Variants in AP2A2 observed in about 807,000 individuals in gnomAD.
AP2A2 encodes AP-2 complex subunit alpha-2.
AP2A2 carries 32 observed loss-of-function variants against 104.2 expected under a neutral mutation model. That is an observed-to-expected ratio of 0.31 (90% CI 0.23 to 0.41). The LOEUF (loss-of-function observed/expected upper bound fraction) is 0.41. AP2A2 is among the 10% of genes least tolerant of loss of function. The probability of loss-of-function intolerance (pLI) is 1.00; values close to 1 mark genes in which losing one functional copy is unlikely to be tolerated. For missense variants in AP2A2, 912 were observed against 1,261.0 expected, an observed-to-expected ratio of 0.72 and a Z score of 4.19; for synonymous variants, 539 against 533.3, an observed-to-expected ratio of 1.01 and a Z score of -0.15.
intron 1 of AP2A2, among the ~76,000 whole-genome samples, chr11:942,080 C>A (rs1267386906): frequency 6.6e-6 from 1 of 152,174 alleles, no homozygotes; most frequent in African/African-American, 2.4e-5. Context: ...GCGCCCACCA[C>A]CATGCCCGGC....
chr11:954,434 A>G lies in AP2A2; in HGVS notation c.68-5003A>G, dbSNP rs76429874. ...TGTGTGTGTGTATGTATTTGTGTTT[A>G]TGTGTATGTATGTATATGTGTATAT... On this transcript the variant is annotated intron_variant, in intron 1 of 21. Coordinates refer to ENST00000448903, the MANE Select transcript of AP2A2 (RefSeq NM_012305.4). Among the ~76,000 whole-genome samples, 576 of 150,934 alleles carry G rather than the reference A, an allele frequency of 3.8e-3. 25 individuals are homozygous for G. In the East Asian group the frequency reaches 0.092, roughly 24 times the overall value.
chr11:931,029 A>G (rs1282859981), intron 1 of AP2A2, among the ~76,000 whole-genome samples: 2 of 152,114 alleles, frequency 1.3e-5, no homozygotes, highest in Admixed American at 1.3e-4. Context: ...CATCATCACA[A>G]AGCTACCCCT....
At position 992,930 on chromosome 11, in the gene AP2A2, G is replaced by A. The variant is rs1212310833; in HGVS notation, c.1452+245G>A. Among the ~76,000 whole-genome samples, 3 of 152,160 alleles carry A rather than the reference G, an allele frequency of 2.0e-5. No individual in the cohort carries two copies. The highest frequency in any genetic ancestry group is 4.4e-5 in the Non-Finnish European group (3 of 68,018). On this transcript the variant is annotated intron_variant, in intron 11 of 21. Coordinates refer to ENST00000448903, the MANE Select transcript of AP2A2 (RefSeq NM_012305.4). The surrounding 1 kb of genome is among the most constrained non-coding windows in gnomAD (Gnocchi z 6.4). ...GCCACCTGAGAAAGCCGGCCTCTGT[G>A]TGTGTGAGAGCATGCTGGGGCATGC...
chr11:994,524 T>C (rs1328050671), intron 14 of AP2A2, among the ~76,000 whole-genome samples: 1 of 134,986 alleles, frequency 7.4e-6, no homozygotes, highest in African/African-American at 2.8e-5. Flanking sequence ...CGGGGGCCAC[T>C]GTCCCTGCTG....
At chr11:948,149 A>G (rs1853914924) in intron 1 of AP2A2, among the ~76,000 whole-genome samples, 1 of 152,342 alleles carries the variant, frequency 6.6e-6, no homozygotes, top group Non-Finnish European at 1.5e-5. Flanking sequence ...GAAGGAAGAA[A>G]ATAGCAAAGA....
chr11:975,332 G>A (rs1408945847), intron 4 of AP2A2, among the ~76,000 whole-genome samples: 1 of 151,502 alleles, frequency 6.6e-6, no homozygotes, highest in Non-Finnish European at 1.5e-5. Context: ...TCCCTCGTGT[G>A]AGCTGACGTC....
At chr11:962,149 C>T (rs1275398195) in intron 2 of AP2A2, among the ~76,000 whole-genome samples, 1 of 151,080 alleles carries the variant, frequency 6.6e-6, no homozygotes, top group Non-Finnish European at 1.5e-5. Flanking sequence ...GGCTCTCAAC[C>T]TGGGGGAGCC....
intron 2 of AP2A2, among the ~76,000 whole-genome samples, chr11:965,693 G>T (rs759420625): frequency 3.3e-5 from 5 of 152,230 alleles, no homozygotes; most frequent in Non-Finnish European, 2.9e-5. Flanking sequence ...CTGACCTGCA[G>T]ACGCATGGGC....
At chr11:981,420 C>CA (rs1855236612) in intron 6 of AP2A2, 121 bp downstream of exon 6, 1 of 818,224 alleles carries the variant, frequency 1.2e-6, no homozygotes, top group Non-Finnish European at 2.0e-6. Flanking sequence ...TGAAAACCAA[C>CA]TTGGCTTCTC....
At chr11:991,732 T>G (rs1590002646) in intron 10 of AP2A2, among the ~76,000 whole-genome samples, 1 of 102,756 alleles carries the variant, frequency 9.7e-6, no homozygotes, top group South Asian at 3.0e-4. Flanking sequence ...CACCAGCACC[T>G]GAGAGGCCAG....
At position 970,206 on chromosome 11, in the gene AP2A2, C is replaced by T. The variant is rs749431361; in HGVS notation, c.174C>T (p.Tyr58=). The change falls in exon 3 of 22, where the codon TAC becomes TAT. Residue 58 remains tyrosine (Y), a synonymous_variant. Transcript: ENST00000448903. ...TTGATGGCTATAGTAAAAAAAAGTA[C>T]GTCTGCAAGTTGCTCTTCATCTTTC... is the stretch of plus-strand genomic sequence containing the variant. The part of the protein sequence containing the change: ...KALDGYSKKK[Y]VCKLLFIFLL... 2.0e-5 allele frequency: 32 copies of T among 1,613,850 alleles called. No individual in the cohort carries two copies. The highest frequency in any genetic ancestry group is 1.7e-4 in the African/African-American group (13 of 74,938).
At chr11:986,686 T>C (rs1855468959) in intron 8 of AP2A2, 99 bp from the exon 9 acceptor site, 2 of 1,412,218 alleles carry the variant, frequency 1.4e-6, no homozygotes, top group African/African-American at 2.8e-5. Context: ...CGTGTGACTT[T>C]GCTGTCTGCC....
rs1382162876 is a variant in AP2A2, at chr11:982,482, G to GT, written c.705+1189dup. 2.0e-5 allele frequency among the ~76,000 whole-genome samples: 3 copies of GT among 152,000 alleles called. No individual in the cohort carries two copies. The East Asian group carries it at 5.8e-4, about 29-fold the overall frequency. Reference sequence around the variant, plus strand: ...TACCCATTTTTACCCTGGGTTGTCCGTTTTTTGTGTTGAATATTTCACCAT... The same window carrying GT: ...TACCCATTTTTACCCTGGGTTGTCCGTTTTTTTGTGTTGAATATTTCACCAT... On this transcript the variant is annotated intron_variant, in intron 6 of 21. Transcript: ENST00000448903.
intron 1 of AP2A2, among the ~76,000 whole-genome samples, chr11:957,425 G>A (rs1481438957): frequency 1.3e-5 from 2 of 152,240 alleles, no homozygotes; most frequent in South Asian, 2.1e-4. Context: ...GCCTATCTGT[G>A]CGGCGTTCCT....
chr11:1,005,636 C>G (rs762700149), intron 16 of AP2A2, among the ~76,000 whole-genome samples: 3 of 152,188 alleles, frequency 2.0e-5, no homozygotes, highest in Non-Finnish European at 4.4e-5. Flanking sequence ...CAGGACTGCT[C>G]TCTCTCTCAT....
At chr11:975,262 A>G (rs111853529) in intron 4 of AP2A2, among the ~76,000 whole-genome samples, 18 of 107,686 alleles carry the variant, frequency 1.7e-4, no homozygotes, top group South Asian at 3.2e-4. Flanking sequence ...GAGTAGCTGT[A>G]GGGTCCTCGG....
At chr11:1,005,974 C>A (rs962370226) in intron 16 of AP2A2, among the ~76,000 whole-genome samples, 8 of 152,232 alleles carry the variant, frequency 5.3e-5, no homozygotes, top group Non-Finnish European at 8.8e-5. Context: ...AGCGACACAT[C>A]CTAAATGTGC....
Position 993,856 on chromosome 11 carries a change from C to G in AP2A2, c.1653C>G (p.Phe551Leu). The G allele has an allele frequency of 6.2e-7, 1 of 1,609,698 alleles. No homozygotes were observed. Among genetic ancestry groups the G allele is most frequent in the Non-Finnish European group, 8.5e-7 (1 of 1,179,672 alleles). Residue 551 changes from phenylalanine to leucine, a missense_variant, in exon 13 of 22, where the codon TTC (phenylalanine) becomes TTG (leucine). This residue lies in a region of AP2A2 where 137 missense variants were observed against 186.9 expected (regional missense o/e 0.73). Coordinates refer to ENST00000448903, the MANE Select transcript of AP2A2 (RefSeq NM_012305.4). This position sits in a 1 kb window ranked among gnomAD's most constrained non-coding sequence, Gnocchi z 8.2. The part of the protein sequence containing the change: ...LSTYIKFVNL[F>L]PEVKPTIQDV... ...CCTACATCAAGTTCGTGAACCTCTT[C>G]CCGGAGGTGAAGCCCACCATCCAGG...
In AP2A2 at chr11:1,008,177, C is replaced by T. The variant is rs73393711; in HGVS notation, c.2420+42C>T. ...CGCCCCGGGCCAAGGGGTGTGTGGG[C>T]GCCTGAGCTGTGTGCCTGGGCTCCA... On this transcript the variant is annotated intron_variant, in intron 18 of 21. Coordinates refer to ENST00000448903, the MANE Select transcript of AP2A2 (RefSeq NM_012305.4). 3,886 of 1,553,758 alleles carry T rather than the reference C, an allele frequency of 2.5e-3. 31 individuals carry two copies. In the African/African-American group the frequency reaches 0.03, roughly 12 times the overall value.
Sources: allele counts gnomAD v4.1 joint callset (sites outside exome capture counted in the v4.1 genomes callset), GRCh38; gene constraint gnomAD v4.1.1; regional missense constraint gnomAD v4.1.1; non-coding constraint Gnocchi (gnomAD v3.1); transcripts MANE v1.5; gene names NCBI Gene and HGNC (gene_info 2026-07-23, HGNC 2026-07-21).